Variants in KIF3C observed in about 807,000 individuals in gnomAD.
The protein encoded by KIF3C is kinesin family member 3C, also known as kinesin-like protein KIF3C.
A neutral mutation model predicts 67.7 loss-of-function variants in KIF3C; 12 were observed. The ratio of observed to expected loss-of-function variants is 0.18; its 90% CI spans 0.11 to 0.29. KIF3C has a LOEUF of 0.29. Ranked by LOEUF, KIF3C falls within the 10% of genes least tolerant of loss-of-function variation. KIF3C has a pLI of 1.00. For missense variants in KIF3C, 789 were observed against 1,059.6 expected (o/e 0.74, Z 3.55); for synonymous variants, 393 against 426.2 (o/e 0.92, Z 0.96).
intron 1 of KIF3C, among the ~76,000 whole-genome samples, chr2:25,963,463 G>A (rs1664059863): frequency 6.7e-6 from 1 of 149,682 alleles, no homozygotes; most frequent in Admixed American, 6.7e-5. Context: ...AAAGTGCTGT[G>A]ATCACAGGTG....
rs1208365492 is a variant in KIF3C, at chr2:25,954,313, C to T, written c.1843G>A (p.Asp615Asn). 1.2e-6 allele frequency: 2 copies of T among 1,614,134 alleles called. No individual in the cohort carries two copies. The highest frequency in any genetic ancestry group is 3.3e-5 in the Admixed American group (2 of 60,014). ...QHDEYIRVRQ[D>N]LEEAQNEQTR... ...TGCTCGTTCTGCGCCTCCTCCAGGT[C>T]CTGCCGCACGCGGATATACTCATCA... The change falls in exon 4 of 8, where the codon GAC becomes AAC. Residue 615 changes from aspartate (D) to asparagine (N), a missense_variant. By Grantham distance (23) the Asp-to-Asn change is conservative. Around this residue, in one of 2 missense-constraint regions of KIF3C, gnomAD observed 648 missense variants for 807.8 expected, o/e 0.80. Transcript: ENST00000264712.
chr2:25,946,586 G>A (rs976671324), intron 5 of KIF3C, among the ~76,000 whole-genome samples: 7 of 152,180 alleles, frequency 4.6e-5, no homozygotes, highest in African/African-American at 1.7e-4. Flanking sequence ...TACTCAGGAG[G>A]CTGAGGCAGT....
rs1222969507 is a variant in KIF3C at position 25,951,876 on chromosome 2, G to A, written c.1919C>T (p.Pro640Leu). Residue 640 changes from proline to leucine, a missense_variant, in exon 5 of 8, where the codon CCG becomes CTG. Coordinates refer to ENST00000264712, the MANE Select transcript of KIF3C (RefSeq NM_002254.8). ...KYLIIENFIP[P>L]EEKNKIMNRL... ...GTTCATGATCTTGTTCTTCTCCTCC[G>A]GCGGGATGAAGTTCTCGATGATTAG... is the stretch of plus-strand genomic sequence containing the variant. The A allele has an allele frequency of 4.3e-6, 7 of 1,613,852 alleles. No individual in the cohort carries two copies. Among genetic ancestry groups the A allele is most frequent in the Non-Finnish European group, 5.1e-6 (6 of 1,179,800 alleles).
chr2:25,962,849 T>A (rs1460852708), intron 1 of KIF3C, among the ~76,000 whole-genome samples: 2 of 55,184 alleles, frequency 3.6e-5, no homozygotes, highest in African/African-American at 1.0e-4. Flanking sequence ...ATATAATATA[T>A]AATATAATAT....
intron 3 of KIF3C, among the ~76,000 whole-genome samples, chr2:25,954,966 C>CCT (rs1663769230): frequency 6.6e-6 from 1 of 152,184 alleles, no homozygotes; most frequent in African/African-American, 2.4e-5. Context: ...CAGGCCTGCC[C>CCT]CTGGGCAGCC....
chr2:25,980,606 T>C lies in KIF3C; in HGVS notation c.1312A>G (p.Asn438Asp), dbSNP rs1399205866. 3.1e-6 allele frequency: 5 copies of C among 1,613,844 alleles called. No individual in the cohort carries two copies. The highest frequency in any genetic ancestry group is 4.2e-6 in the Non-Finnish European group (5 of 1,180,014). Residue 438 changes from asparagine to aspartate, a missense_variant, in exon 1 of 8, where the codon AAC (asparagine) becomes GAC (aspartate). Transcript: ENST00000264712. The surrounding 1 kb of genome is among the most constrained non-coding windows in gnomAD (Gnocchi z 7.6). ...EAWVAEEEDD[N>D]NNNHRPPQPI... The stretch of plus-strand genomic sequence containing the variant: ...TGGGGCGGGCGGTGGTTGTTGTTGT[T>C]GTCATCCTCCTCTTCTGCCACCCAG...
In KIF3C at chr2:25,980,833, G is replaced by A. The variant is rs1305274791; in HGVS notation, c.1085C>T (p.Ala362Val). ...SLSTLRFANR[A>V]KNIKNKPRVN... ...CCGGGGCTTGTTCTTGATGTTCTTG[G>A]CTCGGTTGGCAAAGCGCAAGGTGGA... Residue 362 changes from alanine to valine, a missense_variant, in exon 1 of 8, where the codon GCC (alanine) becomes GTC (valine). Around this residue, in one of 2 missense-constraint regions of KIF3C, gnomAD observed 648 missense variants for 807.8 expected, o/e 0.80. Coordinates refer to ENST00000264712, the MANE Select transcript of KIF3C (RefSeq NM_002254.8). This position sits in a 1 kb window ranked among gnomAD's most constrained non-coding sequence, Gnocchi z 7.6. The A allele has an allele frequency of 1.2e-6, 2 of 1,614,170 alleles. No individual in the cohort carries two copies. Among genetic ancestry groups the A allele is most frequent in the Non-Finnish European group, 1.7e-6 (2 of 1,180,034 alleles).
At chr2:25,938,677 C>T (rs1364011791) in intron 5 of KIF3C, among the ~76,000 whole-genome samples, 1 of 152,148 alleles carries the variant, frequency 6.6e-6, no homozygotes, top group Admixed American at 6.6e-5. Flanking sequence ...CATCGGCTCC[C>T]TCTTCTGCCC....
intron 5 of KIF3C, among the ~76,000 whole-genome samples, chr2:25,945,732 C>A (rs1451452420): frequency 3.3e-5 from 5 of 152,062 alleles, no homozygotes; most frequent in African/African-American, 1.2e-4. Context: ...TGCCAGTGCA[C>A]CGCAGCCTGG....
Position 25,962,905 on chromosome 2 carries a change from AATATATAAT to A in KIF3C, c.1546-6470_1546-6462del, listed in dbSNP as rs1222136792. The stretch of plus-strand genomic sequence containing the variant: ...AATATATATAATATAAAATATATAT[AATATATAAT>A]ATATATAATATATAATACATATAAT... On this transcript the variant is annotated intron_variant, in intron 1 of 7. Transcript: ENST00000264712. Among the ~76,000 whole-genome samples, 14 of 59,326 alleles carry A rather than the reference AATATATAAT, an allele frequency of 2.4e-4. 2 individuals are homozygous for A. The highest frequency in any genetic ancestry group is 2.1e-3 in the East Asian group (1 of 468). The allele number at this position is 59,326 out of a possible 152,430, so 38.9% of individuals were successfully genotyped here.
Position 25,954,577 on chromosome 2 carries a change from C to T in KIF3C, c.1771-192G>A, listed in dbSNP as rs532637164. Among the ~76,000 whole-genome samples, 20 of 152,288 alleles carry T rather than the reference C, an allele frequency of 1.3e-4. No individual in the cohort carries two copies. In the South Asian group the frequency reaches 4.1e-3, roughly 32 times the overall value. ...GGCTGGGCTATTTAAAGTGGTGCCC[C>T]GCCCTCCTTCACTGAGGCCTGTGAC... is the stretch of plus-strand genomic sequence containing the variant. On this transcript the variant is annotated intron_variant, in intron 3 of 7. Coordinates refer to ENST00000264712, the MANE Select transcript of KIF3C (RefSeq NM_002254.8).
At chr2:25,968,584 CCAGTGT>C (rs1225016017) in intron 1 of KIF3C, among the ~76,000 whole-genome samples, 1 of 152,148 alleles carries the variant, frequency 6.6e-6, no homozygotes, top group East Asian at 1.9e-4. Context: ...ACAGAATGTT[CCAGTGT>C]CAGAACTGGA....
chr2:25,927,522 C>A lies in KIF3C; in HGVS notation c.*1456G>T, dbSNP rs2090421667. 1 of 152,184 alleles carries A rather than the reference C, an allele frequency of 6.6e-6. No homozygotes were observed. The highest frequency in any genetic ancestry group is 2.1e-4 in the South Asian group (1 of 4,826). The allele number at this position is 152,184 out of a possible 1,614,324, so 9.4% of individuals were successfully genotyped here. ...CCCAAGCTTGATCCTCAGAGCAGAA[C>A]TTGAATGATGTAAGAAGGGTTCATT... On this transcript the variant is annotated 3_prime_UTR_variant, in exon 8 of 8. Coordinates refer to ENST00000264712, the MANE Select transcript of KIF3C (RefSeq NM_002254.8).
intron 1 of KIF3C, among the ~76,000 whole-genome samples, chr2:25,967,752 G>A (rs1664182031): frequency 6.6e-6 from 1 of 152,218 alleles, no homozygotes; most frequent in Non-Finnish European, 1.5e-5. Flanking sequence ...CTTGAGCCCG[G>A]GAGGTGGAGG....
At chr2:25,949,365 G>A (rs1663535408) in intron 5 of KIF3C, among the ~76,000 whole-genome samples, 1 of 152,066 alleles carries the variant, frequency 6.6e-6, no homozygotes, top group Non-Finnish European at 1.5e-5. Flanking sequence ...CTTCAGCCCA[G>A]GAGCTCGAGA....
chr2:25,933,250 G>C (rs2090476896), intron 5 of KIF3C, among the ~76,000 whole-genome samples: 1 of 148,368 alleles, frequency 6.7e-6, no homozygotes, highest in African/African-American at 2.5e-5. Context: ...GACTCTGCAA[G>C]ACTCCGTTTC....
intron 5 of KIF3C, among the ~76,000 whole-genome samples, chr2:25,941,428 T>C (rs1663280583): frequency 1.3e-5 from 2 of 152,012 alleles, no homozygotes; most frequent in South Asian, 4.2e-4. Flanking sequence ...CTGTCACATA[T>C]ATCACCCTTT....
Position 25,955,688 on chromosome 2 carries a change from C to T in KIF3C, c.1648-25G>A, listed in dbSNP as rs573353107. 3 of 1,613,424 alleles carry T rather than the reference C, an allele frequency of 1.9e-6. No homozygotes were observed. Among genetic ancestry groups the T allele is most frequent in the African/African-American group, 2.7e-5 (2 of 75,038 alleles). ...TCTAGGCCAAGGACGGGCAGTGTGGCTCAAAGGAGCAGTGCATACTCGGGA... is the reference window on the plus strand; with the variant it reads ...TCTAGGCCAAGGACGGGCAGTGTGGTTCAAAGGAGCAGTGCATACTCGGGA... On this transcript the variant is annotated intron_variant, in intron 2 of 7. Transcript: ENST00000264712. This position sits in a 1 kb window ranked among gnomAD's most constrained non-coding sequence, Gnocchi z 5.0.
Position 25,955,727 on chromosome 2 carries a change from T to G in KIF3C, c.1648-64A>C, listed in dbSNP as rs1395178303. 2.5e-6 allele frequency: 4 copies of G among 1,587,264 alleles called. No individual in the cohort carries two copies. Among genetic ancestry groups the G allele is most frequent in the Non-Finnish European group, 2.6e-6 (3 of 1,161,516 alleles). Reference sequence around the variant, plus strand: ...GCATACTCGGGAGGGCCAGGAAAGCTCAGGGGACTGGCTCACTCTGCCTGT... The same window carrying G: ...GCATACTCGGGAGGGCCAGGAAAGCGCAGGGGACTGGCTCACTCTGCCTGT... On this transcript the variant is annotated intron_variant, in intron 2 of 7. Transcript: ENST00000264712. This position sits in a 1 kb window ranked among gnomAD's most constrained non-coding sequence, Gnocchi z 5.0.
Sources: gnomAD v4.1 joint callset for allele counts (sites outside exome capture counted in the v4.1 genomes callset) on GRCh38, gnomAD v4.1.1 for gene constraint, gnomAD v4.1.1 regional missense constraint, Gnocchi (gnomAD v3.1) non-coding constraint, MANE v1.5 for transcripts, NCBI Gene and HGNC (gene_info 2026-07-23, HGNC 2026-07-21) for gene names.